Variants in SMAD6 observed in about 807,000 individuals in gnomAD.
SMAD6 encodes the protein MAD homolog 6.
Under a neutral mutation model 39.4 loss-of-function variants are expected in SMAD6, and 103 were observed. The ratio of observed to expected loss-of-function variants is 2.62; its 90% confidence interval spans 2.23 to 3.08. The LOEUF (loss-of-function observed/expected upper bound fraction) is 3.08, where lower values mean the gene tolerates loss of function less well. Ranked by LOEUF, SMAD6 falls within the 30% of genes most tolerant of loss-of-function variation. The pLI, the probability that SMAD6 is intolerant of heterozygous loss-of-function variation, is 0.00. For missense variants in SMAD6, 1,104 were observed against 742.9 expected (o/e 1.49, Z -5.65); for synonymous variants, 445 against 353.3 (o/e 1.26, Z -2.91).
Position 66,704,056 on chromosome 15 carries a change from C to A in SMAD6, c.798C>A (p.Phe266Leu), listed in dbSNP as rs758794528. The change falls in exon 1 of 4, where the codon TTC (phenylalanine) becomes TTA (leucine). Residue 266 changes from phenylalanine (F) to leucine (L), a missense_variant. Physicochemically the swap from Phe to Leu is conservative, Grantham distance 22 (BLOSUM62 0). Coordinates refer to ENST00000288840, the MANE Select transcript of SMAD6 (RefSeq NM_005585.5). ...CCGTGTGCTGCAACCCCTACCACTT[C>A]AGCCGGCTCTGCGGGCCCGGTGAGC... ...GPTVCCNPYH[F>L]SRLCGPESPP... The A allele has an allele frequency of 2.7e-6, 4 of 1,503,254 alleles. No individual in the cohort carries two copies. Among genetic ancestry groups the A allele is most frequent in the African/African-American group, 2.9e-5 (2 of 69,182 alleles). 93.1% of individuals were successfully genotyped at this position (1,503,254 alleles called of 1,614,324 possible). A position where few individuals can be genotyped will look rare whatever the true frequency, so the allele number is the denominator to read the frequency against.
chr15:66,706,852 G>A (rs1259102498), intron 1 of SMAD6: 1 of 152,340 alleles, frequency 6.6e-6, no homozygotes, highest in African/African-American at 2.4e-5. Flanking sequence ...AACTTGAGTT[G>A]TGGCCTTGGG....
At chr15:66,771,648 G>A (rs561695044) in intron 3 of SMAD6, among the ~76,000 whole-genome samples, 39 of 152,288 alleles carry the variant, frequency 2.6e-4, no homozygotes, top group Non-Finnish European at 3.5e-4. Context: ...ACCAAGGTGG[G>A]CTCAGGGTCG....
At chr15:66,730,238 T>C (rs556603446) in intron 3 of SMAD6, among the ~76,000 whole-genome samples, 35 of 152,290 alleles carry the variant, frequency 2.3e-4, no homozygotes, top group Admixed American at 8.5e-4. Context: ...GGCTGGGTCA[T>C]TGGGGAGAAG....
chr15:66,742,887 C>T (rs924295966), intron 3 of SMAD6, among the ~76,000 whole-genome samples: 1 of 152,150 alleles, frequency 6.6e-6, no homozygotes, highest in Non-Finnish European at 1.5e-5. Flanking sequence ...CTGGGTTCTT[C>T]CCTTAATCTT....
At chr15:66,704,212 G>A (rs1414010328) in intron 1 of SMAD6, 137 bp downstream of exon 1, 1 of 610,152 alleles carries the variant, frequency 1.6e-6, no homozygotes, top group Non-Finnish European at 2.5e-6. Context: ...GAGCCACCAG[G>A]GGAGGCGCCT....
Position 66,703,186 on chromosome 15 carries a change from G to T in SMAD6, c.-73G>T. ...TGGGGCTGCGACCCGCGCAGCCGGC[G>T]CCTCGCTGAGGGAACGGACCCCCGG... On this transcript the variant is annotated 5_prime_UTR_variant, in exon 1 of 4. Transcript: ENST00000288840. 1 of 1,162,126 alleles carries T rather than the reference G, an allele frequency of 8.6e-7. No homozygotes were observed. The highest frequency in any genetic ancestry group is 1.1e-6 in the Non-Finnish European group (1 of 886,562). The allele number at this position is 1,162,126 out of a possible 1,614,324, so 72.0% of individuals were successfully genotyped here.
At chr15:66,773,404 A>G (rs543137893) in intron 3 of SMAD6, among the ~76,000 whole-genome samples, 1 of 152,308 alleles carries the variant, frequency 6.6e-6, no homozygotes, top group East Asian at 1.9e-4. Flanking sequence ...CTTCACAAAG[A>G]AAAGAAAAAG....
At chr15:66,740,200 A>G (rs913636581) in intron 3 of SMAD6, among the ~76,000 whole-genome samples, 1 of 152,144 alleles carries the variant, frequency 6.6e-6, no homozygotes, top group African/African-American at 2.4e-5. Context: ...TCCCCTGTGC[A>G]TTCCTGGCTA....
rs1252242205 is a variant in SMAD6, at chr15:66,703,951, C to G, written c.693C>G (p.Arg231=). The change falls in exon 1 of 4, where the codon CGC becomes CGG. Residue 231 remains arginine (R), a synonymous_variant. Transcript: ENST00000288840. ...PPQLLLGRLF[R]WPDLQHAVEL... ...AGCTGCTGCTCGGCCGCCTCTTTCG[C>G]TGGCCCGACCTGCAGCACGCCGTGG... 1.4e-6 allele frequency: 2 copies of G among 1,408,454 alleles called. No individual in the cohort carries two copies. The highest frequency in any genetic ancestry group is 1.9e-6 in the Non-Finnish European group (2 of 1,079,730). The allele number at this position is 1,408,454 out of a possible 1,614,324, so 87.2% of individuals were successfully genotyped here.
intron 1 of SMAD6, chr15:66,706,062 A>G (rs1464458057): frequency 1.3e-5 from 2 of 152,546 alleles, no homozygotes; most frequent in African/African-American, 4.8e-5. Context: ...TCCTGGGACT[A>G]GGAGTTGGCT....
At position 66,703,357 on chromosome 15, in the gene SMAD6, CG is replaced by C; in HGVS notation, c.100del (p.Asp34ThrfsTer30). On this transcript the variant is annotated frameshift_variant, in exon 1 of 4. Transcript: ENST00000288840. LOFTEE classifies it high-confidence loss of function. Reference protein sequence around the residue: ...EGGSGGGGGGDEDGSLGSRAE... With the variant: ...EGGSGGGGGGXEDGSLGSRAE... ...GCGGCAGCGGCGGCGGCGGTGGCGG[CG>C]ACGAGGATGGGAGCTTGGGCAGCCG... The C allele has an allele frequency of 6.8e-7, 1 of 1,477,990 alleles. No individual in the cohort carries two copies. The highest frequency in any genetic ancestry group is 9.0e-7 in the Non-Finnish European group (1 of 1,114,222). 91.6% of individuals were successfully genotyped at this position (1,477,990 alleles called of 1,614,324 possible).
Position 66,703,394 on chromosome 15 carries a change from GC to G in SMAD6, c.140del (p.Pro47ArgfsTer17). 3.5e-6 allele frequency: 5 copies of G among 1,408,828 alleles called. No individual in the cohort carries two copies. Among genetic ancestry groups the G allele is most frequent in the East Asian group, 3.0e-5 (1 of 32,914 alleles). The allele number at this position is 1,408,828 out of a possible 1,614,324, so 87.3% of individuals were successfully genotyped here. On this transcript the variant is annotated frameshift_variant, in exon 1 of 4. Coordinates refer to ENST00000288840, the MANE Select transcript of SMAD6 (RefSeq NM_005585.5). LOFTEE classifies it high-confidence loss of function. ...GAGCTTGGGCAGCCGAGCTGAGCCG[GC>G]CCCGCGGGCAAGAGAGGGCGGAGGC... is the stretch of plus-strand genomic sequence containing the variant. ...DGSLGSRAEP[A>X]PRAREGGGCG...
chr15:66,781,152 CA>C lies in SMAD6; in HGVS notation c.1109del (p.Gln370ArgfsTer169). On this transcript the variant is annotated frameshift_variant, in exon 4 of 4. Transcript: ENST00000288840. LOFTEE classifies it high-confidence loss of function. ...TCAGGGCAGCGGCTTCTGCCTGGGC[CA>C]GCTCAACCTGGAGCAGCGCAGCGAG... is the stretch of plus-strand genomic sequence containing the variant. Reference protein sequence around the residue: ...LPQGSGFCLGQLNLEQRSESV... With the variant: ...LPQGSGFCLGXLNLEQRSESV... The C allele has an allele frequency of 6.2e-7, 1 of 1,608,368 alleles. No homozygotes were observed. Among genetic ancestry groups the C allele is most frequent in the Non-Finnish European group, 8.5e-7 (1 of 1,179,772 alleles).
intron 3 of SMAD6, among the ~76,000 whole-genome samples, chr15:66,743,600 G>A (rs185407627): frequency 2.6e-5 from 4 of 151,372 alleles, no homozygotes; most frequent in Admixed American, 1.3e-4. Context: ...AAAGCAGTAC[G>A]TGATTCATGT....
chr15:66,739,242 C>A (rs911254743), intron 3 of SMAD6, among the ~76,000 whole-genome samples: 1 of 152,156 alleles, frequency 6.6e-6, no homozygotes, highest in African/African-American at 2.4e-5. Flanking sequence ...AGGCACCTGC[C>A]ATCACGCCTG....
intron 3 of SMAD6, among the ~76,000 whole-genome samples, chr15:66,773,237 G>A (rs1490296433): frequency 2.6e-5 from 4 of 152,016 alleles, no homozygotes; most frequent in Non-Finnish European, 4.4e-5. Context: ...GGGTGGGAGC[G>A]AGTAAGAGGA....
chr15:66,743,654 A>AAGGGTAAT (rs777358371), intron 3 of SMAD6, among the ~76,000 whole-genome samples: 119 of 152,122 alleles, frequency 7.8e-4, no homozygotes, highest in Non-Finnish European at 2.8e-4. Flanking sequence ...AAAACAAATT[A>AAGGGTAAT]CCCTTAATGC....
chr15:66,740,131 C>T (rs954431560), intron 3 of SMAD6, among the ~76,000 whole-genome samples: 2 of 152,110 alleles, frequency 1.3e-5, no homozygotes, highest in African/African-American at 4.8e-5. Flanking sequence ...GAGAAAGAGC[C>T]CCAGCTGGGA....
intron 1 of SMAD6, chr15:66,705,575 T>C (rs1893093863): frequency 6.6e-6 from 1 of 152,142 alleles, no homozygotes; most frequent in Admixed American, 6.5e-5. Context: ...ATTTTTTTTT[T>C]TTTAAAGTAG....
Sources: allele counts gnomAD v4.1 joint callset (sites outside exome capture counted in the v4.1 genomes callset), GRCh38; gene constraint gnomAD v4.1.1; transcripts MANE v1.5; gene names NCBI Gene and HGNC (gene_info 2026-07-23, HGNC 2026-07-21).